The following ADGRG1 variants were observed in gnomAD, a reference collection of about 807,000 sequenced individuals.
ADGRG1 encodes the protein adhesion G protein-coupled receptor G1.
A neutral mutation model predicts 73.5 loss-of-function variants in ADGRG1; 53 were observed. That is an observed-to-expected ratio of 0.72 (90% CI 0.58 to 0.91). The LOEUF (loss-of-function observed/expected upper bound fraction) is 0.91. Among genes scored for constraint, ADGRG1 ranks in the 40% least tolerant of loss-of-function variants. The probability of loss-of-function intolerance (pLI) is 0.00; values close to 1 mark genes in which losing one functional copy is unlikely to be tolerated. For missense variants in ADGRG1, 795 were observed against 871.8 expected, an observed-to-expected ratio of 0.91 and a Z score of 1.11; for synonymous variants, 394 against 374.4, an observed-to-expected ratio of 1.05 and a Z score of -0.60.
chr16:57,653,382 A>AGATCTG (rs755704233), intron 4 of ADGRG1, 47 bp downstream of exon 4: 10 of 1,600,528 alleles, frequency 6.2e-6, no homozygotes, highest in Non-Finnish European at 7.6e-6. Flanking sequence ...AAGGCATCAG[A>AGATCTG]GATCTGGACC....
At chr16:57,663,367 C>A (rs2047726845) in intron 13 of ADGRG1, 85 bp from the exon 14 acceptor site, 1 of 1,581,704 alleles carries the variant, frequency 6.3e-7, no homozygotes, top group Non-Finnish European at 8.6e-7. Context: ...GTGGGGCAGA[C>A]CCGAGTCACA....
intron 1 of ADGRG1, chr16:57,646,728 C>T (rs1232716945): frequency 4.1e-6 from 4 of 979,266 alleles, no homozygotes; most frequent in Non-Finnish European, 3.6e-6. Flanking sequence ...CTCGTGTGAT[C>T]TCAGAACACA....
At chr16:57,629,571 G>C (rs1310000466) in intron 1 of ADGRG1, 1 of 152,188 alleles carries the variant, frequency 6.6e-6, no homozygotes, top group Admixed American at 6.5e-5. Context: ...GCTGGGTCCG[G>C]GGTCCCCACT....
chr16:57,663,906 T>C lies in ADGRG1; in HGVS notation c.*324T>C. 2.3e-6 allele frequency: 1 copy of C among 432,424 alleles called. No homozygotes were observed. Among genetic ancestry groups the C allele is most frequent in the Admixed American group, 3.7e-5 (1 of 26,686 alleles). The allele number at this position is 432,424 out of a possible 1,614,324, so 26.8% of individuals were successfully genotyped here. A position where few individuals can be genotyped will look rare whatever the true frequency, so the allele number is the denominator to read the frequency against. The stretch of plus-strand genomic sequence containing the variant: ...TACAACCCCTGGGCCCAGCCCTCAT[T>C]GCTGGGGGCCAGGCCTTGGATCTTG... On this transcript the variant is annotated 3_prime_UTR_variant, in exon 14 of 14. Transcript: ENST00000562631.
chr16:57,646,939 C>T (rs1047991758), intron 1 of ADGRG1: 12 of 985,126 alleles, frequency 1.2e-5, no homozygotes, highest in Admixed American at 6.2e-5. Flanking sequence ...CCTGTGGGGC[C>T]GTGGTTGGTA....
chr16:57,653,645 C>T lies in ADGRG1; in HGVS notation c.620+310C>T. 11 of 951,268 alleles carry T rather than the reference C, an allele frequency of 1.2e-5. No homozygotes were observed. The South Asian group carries it at 5.3e-4, about 46-fold the overall frequency. The allele number at this position is 951,268 out of a possible 1,614,324, so 58.9% of individuals were successfully genotyped here. A position where few individuals can be genotyped will look rare whatever the true frequency, so the allele number is the denominator to read the frequency against. On this transcript the variant is annotated intron_variant, in intron 4 of 13. Coordinates refer to ENST00000562631, the MANE Select transcript of ADGRG1 (RefSeq NM_201525.4). ...AGACGGCAGAGCCGCTCCAAGGCCACAGAGTAGGTTGGCACAGGCGGAGCT... is the reference window on the plus strand; with the variant it reads ...AGACGGCAGAGCCGCTCCAAGGCCATAGAGTAGGTTGGCACAGGCGGAGCT...
chr16:57,653,952 C>G (rs556836476), intron 4 of ADGRG1, 34 bp from the exon 5 acceptor site: 1 of 1,613,182 alleles, frequency 6.2e-7, no homozygotes, highest in Non-Finnish European at 8.5e-7. Flanking sequence ...CGGCCCCCTC[C>G]CCACCATCAC....
intron 1 of ADGRG1, chr16:57,646,194 T>A (rs1461655558): frequency 8.7e-5 from 15 of 172,978 alleles, no homozygotes; most frequent in Non-Finnish European, 1.5e-4. Flanking sequence ...AGGAAATGGG[T>A]TTTCCAGGAG....
intron 11 of ADGRG1, 22 bp downstream of exon 11, chr16:57,659,703 G>A (rs769653263): frequency 3.7e-6 from 6 of 1,612,412 alleles, no homozygotes; most frequent in South Asian, 1.1e-5. Flanking sequence ...GGCGGGGGGT[G>A]CCTCAGACCT....
At chr16:57,631,798 C>A (rs1443805416) in intron 1 of ADGRG1, 3 of 985,352 alleles carry the variant, frequency 3.0e-6, no homozygotes, top group Non-Finnish European at 3.6e-6. Context: ...TTGGCTGAGA[C>A]CCTGCCCCTC....
At chr16:57,644,812 CCT>C (rs1416331813) in intron 1 of ADGRG1, among the ~76,000 whole-genome samples, 2 of 146,322 alleles carry the variant, frequency 1.4e-5, no homozygotes, top group Non-Finnish European at 3.0e-5. Flanking sequence ...ACTCATCACT[CCT>C]CACACACATG....
rs143793232 is a variant in ADGRG1, at chr16:57,630,451, G to A, written c.-36+1649G>A. 367 of 985,664 alleles carry A rather than the reference G, an allele frequency of 3.7e-4. 2 individuals are homozygous for A. In the African/African-American group the frequency reaches 4.4e-3, roughly 12 times the overall value. 61.1% of individuals were successfully genotyped at this position (985,664 alleles called of 1,614,324 possible). ...GCCCCCTTGCCCTTCCTCTCCTCTC[G>A]CCTCAGGAGCTCAGCTGCTAAATGG... On this transcript the variant is annotated intron_variant, in intron 1 of 13. Coordinates refer to ENST00000562631, the MANE Select transcript of ADGRG1 (RefSeq NM_201525.4).
intron 1 of ADGRG1, chr16:57,637,728 C>T (rs1209425031): frequency 3.1e-6 from 3 of 983,338 alleles, no homozygotes; most frequent in Non-Finnish European, 3.6e-6. Flanking sequence ...TGGCTCTGCT[C>T]CACGGAGGGG....
intron 7 of ADGRG1, 48 bp downstream of exon 7, chr16:57,656,040 C>A: frequency 6.2e-7 from 1 of 1,613,790 alleles, no homozygotes; most frequent in South Asian, 1.1e-5. Context: ...TCGGCCATGT[C>A]ACCCTTTCCT....
intron 13 of ADGRG1, among the ~76,000 whole-genome samples, chr16:57,662,284 A>G (rs1188356404): frequency 6.6e-6 from 1 of 152,208 alleles, no homozygotes. Context: ...GATAGTAGGG[A>G]CATCGTCGTG....
At chr16:57,648,823 C>G in intron 1 of ADGRG1, 1 of 430,208 alleles carries the variant, frequency 2.3e-6, no homozygotes, top group Non-Finnish European at 3.1e-6. Flanking sequence ...AGCCTTCTGG[C>G]AAGTCTACAA....
chr16:57,656,549 G>A lies in ADGRG1; in HGVS notation c.1099G>A (p.Glu367Lys). 6.2e-7 allele frequency: 1 copy of A among 1,613,934 alleles called. No homozygotes were observed. Among genetic ancestry groups the A allele is most frequent in the Non-Finnish European group, 8.5e-7 (1 of 1,179,866 alleles). The change falls in exon 9 of 14, where the codon GAG becomes AAG. Residue 367 changes from glutamate (E) to lysine (K), a missense_variant. Physicochemically the swap from Glu to Lys is moderately conservative, Grantham distance 56. Transcript: ENST00000562631. ...SPGHWSSAGCETVRRETQTSC... is the reference protein window; with the variant it reads ...SPGHWSSAGCKTVRRETQTSC... ...GGGGCATTGGAGCAGTGCTGGGTGT[G>A]AGACCGTCAGGAGAGAAACCCAAAC...
chr16:57,648,957 CA>C (rs1225947029), intron 1 of ADGRG1, among the ~76,000 whole-genome samples: 1 of 152,236 alleles, frequency 6.6e-6, no homozygotes, highest in Non-Finnish European at 1.5e-5. Context: ...TCCATCTGTG[CA>C]ATGGGTCAAC....
Position 57,630,346 on chromosome 16 carries a change from A to G in ADGRG1, c.-36+1544A>G, listed in dbSNP as rs2037438812. The G allele has an allele frequency of 5.1e-6, 5 of 984,882 alleles. No individual in the cohort carries two copies. In the South Asian group the frequency reaches 2.4e-4, roughly 46 times the overall value. 61.0% of individuals were successfully genotyped at this position (984,882 alleles called of 1,614,324 possible). On this transcript the variant is annotated intron_variant, in intron 1 of 13. Transcript: ENST00000562631. ...CCTGCCAATGTCCAGGTGTGGAATG[A>G]GCTCTTAGGGCCAGACCTGACCCCT...
Sources: allele counts gnomAD v4.1 joint callset (sites outside exome capture counted in the v4.1 genomes callset), GRCh38; gene constraint gnomAD v4.1.1; transcripts MANE v1.5; gene names NCBI Gene and HGNC (gene_info 2026-07-23, HGNC 2026-07-21).